Variants in CLSTN3 observed in about 807,000 individuals in gnomAD.
CLSTN3 encodes calsyntenin 3.
In CLSTN3, 36 loss-of-function variants were observed where a neutral mutation model predicts 95.9. The observed-to-expected ratio is 0.38, with a 90% CI of 0.29 to 0.50. The LOEUF (loss-of-function observed/expected upper bound fraction) is 0.50. CLSTN3 is among the 20% of genes least tolerant of loss of function. The probability of loss-of-function intolerance (pLI) is 0.95; values close to 1 mark genes in which losing one functional copy is unlikely to be tolerated. For synonymous variants in CLSTN3, 481 were observed against 504.0 expected (o/e 0.95, Z 0.61); for missense variants, 1,084 against 1,268.8 (o/e 0.85, Z 2.21).
At chr12:7,140,312 A>G (rs1334076543) in intron 8 of CLSTN3, among the ~76,000 whole-genome samples, 1 of 152,148 alleles carries the variant, frequency 6.6e-6, no homozygotes, top group Non-Finnish European at 1.5e-5. Context: ...GTTAAATGTG[A>G]GATACTTGTG....
chr12:7,131,855 A>G (rs1441803199), intron 1 of CLSTN3: 2 of 456,322 alleles, frequency 4.4e-6, no homozygotes, highest in East Asian at 6.9e-5. Context: ...AAGCCTTCCC[A>G]TGCCAAAGGC....
At position 7,149,163 on chromosome 12, in the gene CLSTN3, T is replaced by C. The variant is rs886595788; in HGVS notation, c.2039T>C (p.Val680Ala). The C allele has an allele frequency of 2.5e-6, 4 of 1,614,084 alleles. No homozygotes were observed. The highest frequency in any genetic ancestry group is 3.4e-6 in the Non-Finnish European group (4 of 1,180,030). ...LQITCSISHQ[V>A]EAKKDESWQG... ...ATCACCTGCTCCATTTCTCACCAGGTGGAGGCCAAAAAGGATGAGAGTTGG... is the reference window on the plus strand; with the variant it reads ...ATCACCTGCTCCATTTCTCACCAGGCGGAGGCCAAAAAGGATGAGAGTTGG... The change falls in exon 13 of 18, where the codon GTG (valine) becomes GCG (alanine). Residue 680 changes from valine (V) to alanine (A), a missense_variant. Physicochemically the swap from Val to Ala is moderately conservative, Grantham distance 64. Coordinates refer to ENST00000266546, the MANE Select transcript of CLSTN3 (RefSeq NM_014718.4). The surrounding 1 kb of genome is among the most constrained non-coding windows in gnomAD (Gnocchi z 4.5).
At chr12:7,156,271 C>T (rs1315346679) in intron 16 of CLSTN3, 1 of 456,960 alleles carries the variant, frequency 2.2e-6, no homozygotes, top group East Asian at 6.9e-5. Flanking sequence ...TGTGGGGTCT[C>T]TGCCTCCACC....
chr12:7,154,463 A>G (rs1939782924), intron 16 of CLSTN3, among the ~76,000 whole-genome samples: 1 of 152,188 alleles, frequency 6.6e-6, no homozygotes, highest in Admixed American at 6.5e-5. Flanking sequence ...GATGGGTGTG[A>G]GAGAGAATGG....
In CLSTN3 at chr12:7,133,524, G is replaced by A; in HGVS notation, c.188-49G>A. The A allele has an allele frequency of 1.3e-6, 2 of 1,581,882 alleles. No homozygotes were observed. Among genetic ancestry groups the A allele is most frequent in the Non-Finnish European group, 1.7e-6 (2 of 1,153,082 alleles). ...GACCCCAGGTGGGGAGACTGAGGGT[G>A]GGGAAGGAGACACAGCAGCCTCACT... On this transcript the variant is annotated intron_variant, in intron 2 of 17. Coordinates refer to ENST00000266546, the MANE Select transcript of CLSTN3 (RefSeq NM_014718.4). The surrounding 1 kb of genome is among the most constrained non-coding windows in gnomAD (Gnocchi z 4.7).
rs144317360 is a variant in CLSTN3 at position 7,136,990 on chromosome 12, T to C, written c.1090T>C (p.Ser364Pro). 261 of 1,614,070 alleles carry C rather than the reference T, an allele frequency of 1.6e-4. No homozygotes were observed. The highest frequency in any genetic ancestry group is 8.2e-4 in the Middle Eastern group (5 of 6,084). ...CCTGGGTGGCCCCAGTGGGCTGGGCTCTGGGCCCCAGGACAGCCTCAGTGA... is the reference window on the plus strand; with the variant it reads ...CCTGGGTGGCCCCAGTGGGCTGGGCCCTGGGCCCCAGGACAGCCTCAGTGA... ...VPLGGPSGLG[S>P]GPQDSLSDHF... Residue 364 changes from serine (S) to proline (P), a missense_variant, in exon 7 of 18, where the codon TCT becomes CCT. Physicochemically the swap from Ser to Pro is moderately conservative, Grantham distance 74. Coordinates refer to ENST00000266546, the MANE Select transcript of CLSTN3 (RefSeq NM_014718.4).
Position 7,157,926 on chromosome 12 carries a change from G to C in CLSTN3, c.2731-15G>C. On this transcript the variant is annotated splice_polypyrimidine_tract_variant and intron_variant, in intron 17 of 17. Transcript: ENST00000266546. The surrounding 1 kb of genome is among the most constrained non-coding windows in gnomAD (Gnocchi z 5.9). ...AGGCCATTGATCCCTTCTCCTCTCT[G>C]TTCCTGCCCTCCAGTCCTACCAGAA... 6.5e-7 allele frequency: 1 copy of C among 1,550,092 alleles called. No homozygotes were observed. Among genetic ancestry groups the C allele is most frequent in the Middle Eastern group, 1.7e-4 (1 of 5,854 alleles).
chr12:7,144,846 T>C lies in CLSTN3; in HGVS notation c.1847+1535T>C, dbSNP rs767517805. 4.3e-4 allele frequency among the ~76,000 whole-genome samples: 65 copies of C among 152,300 alleles called. No homozygotes were observed. In the Middle Eastern group the frequency reaches 0.02, roughly 48 times the overall value. Reference sequence around the variant, plus strand: ...TAGAGCTGTGGAAGGCCCCGGGCTGTGGCTTTTGGGAATTTGCTGGTTCAG... The same window carrying C: ...TAGAGCTGTGGAAGGCCCCGGGCTGCGGCTTTTGGGAATTTGCTGGTTCAG... On this transcript the variant is annotated intron_variant, in intron 12 of 17. Transcript: ENST00000266546.
intron 1 of CLSTN3, chr12:7,131,278 G>A (rs1939295607): frequency 4.8e-6 from 1 of 210,376 alleles, no homozygotes; most frequent in Non-Finnish European, 9.8e-6. Context: ...GCAGACAGCG[G>A]ATACATTCAG....
intron 4 of CLSTN3, 134 bp downstream of exon 4, chr12:7,135,669 C>G: frequency 7.4e-7 from 1 of 1,348,210 alleles, no homozygotes; most frequent in Non-Finnish European, 1.0e-6. Context: ...ATGGAGCCTT[C>G]TCCTCCCAGA....
intron 3 of CLSTN3, among the ~76,000 whole-genome samples, chr12:7,134,359 G>A (rs1939365178): frequency 6.6e-6 from 1 of 152,208 alleles, no homozygotes; most frequent in Non-Finnish European, 1.5e-5. Context: ...GGACACCTAC[G>A]CTTGTTGCCA....
upstream of CLSTN3, chr12:7,130,313 T>A (rs7300098): frequency 6.7e-4 from 134 of 198,640 alleles, no homozygotes; most frequent in East Asian, 1.8e-3. Flanking sequence ...TCCCCCCCCC[T>A]CCCAGTCACC....
In CLSTN3 at chr12:7,149,535, G is replaced by A; in HGVS notation, c.2087G>A (p.Arg696His). 2 of 1,612,972 alleles carry A rather than the reference G, an allele frequency of 1.2e-6. No homozygotes were observed. Among genetic ancestry groups the A allele is most frequent in the South Asian group, 1.1e-5 (1 of 90,876 alleles). Residue 696 changes from arginine (R) to histidine (H), a missense_variant, in exon 14 of 18, where the codon CGC becomes CAC. Physicochemically the swap from Arg to His is conservative, Grantham distance 29 (BLOSUM62 0). Coordinates refer to ENST00000266546, the MANE Select transcript of CLSTN3 (RefSeq NM_014718.4). The surrounding 1 kb of genome is among the most constrained non-coding windows in gnomAD (Gnocchi z 4.5). ...ESWQGTVTDT[R>H]MSDEIVHNLD... ...ATCCCCAACCCAGTGACAGACACAC[G>A]CATGTCGGATGAGATTGTGCACAAC... is the stretch of plus-strand genomic sequence containing the variant.
intron 16 of CLSTN3, chr12:7,156,539 C>T (rs1248240167): frequency 4.4e-6 from 2 of 456,826 alleles, no homozygotes; most frequent in Non-Finnish European, 8.8e-6. Context: ...TTTACTCCCG[C>T]AGTGTGAGCA....
chr12:7,157,296 C>A lies in CLSTN3; in HGVS notation c.2528-193C>A, dbSNP rs954727846. Among the ~76,000 whole-genome samples, 3 of 152,196 alleles carry A rather than the reference C, an allele frequency of 2.0e-5. No individual in the cohort carries two copies. The highest frequency in any genetic ancestry group is 7.2e-5 in the African/African-American group (3 of 41,444). ...GCCTTGCAGCAGCTCCCTTCCTCCC[C>A]TTTCGTCTCCTGCCCTTCCTGGTGG... On this transcript the variant is annotated intron_variant, in intron 16 of 17. Coordinates refer to ENST00000266546, the MANE Select transcript of CLSTN3 (RefSeq NM_014718.4). This position sits in a 1 kb window ranked among gnomAD's most constrained non-coding sequence, Gnocchi z 5.9.
At chr12:7,144,839 C>T (rs748924146) in intron 12 of CLSTN3, among the ~76,000 whole-genome samples, 4 of 152,134 alleles carry the variant, frequency 2.6e-5, no homozygotes, top group Non-Finnish European at 4.4e-5. Flanking sequence ...TGGAAGGCCC[C>T]GGGCTGTGGC....
In CLSTN3 at chr12:7,157,443, A is replaced by G; in HGVS notation, c.2528-46A>G. ...CCCAGCCCCCTGTCCAAGTGCCCCC[A>G]GGTGTGCCTAGTCACGCTCTGCTCA... On this transcript the variant is annotated intron_variant, in intron 16 of 17. Transcript: ENST00000266546. This position sits in a 1 kb window ranked among gnomAD's most constrained non-coding sequence, Gnocchi z 5.9. The G allele has an allele frequency of 6.7e-7, 1 of 1,492,358 alleles. No homozygotes were observed. The highest frequency in any genetic ancestry group is 1.4e-5 in the South Asian group (1 of 73,938). 92.4% of individuals were successfully genotyped at this position (1,492,358 alleles called of 1,614,324 possible). A position where few individuals can be genotyped will look rare whatever the true frequency, so the allele number is the denominator to read the frequency against.
At chr12:7,131,937 G>T (rs370233027) in intron 1 of CLSTN3, 1 of 455,918 alleles carries the variant, frequency 2.2e-6, no homozygotes, top group South Asian at 1.5e-5. Context: ...TGGGGATGAG[G>T]TTCCTTTTGG....
In CLSTN3 at chr12:7,149,424, C is replaced by A; in HGVS notation, c.2075-99C>A. 2 of 1,171,264 alleles carry A rather than the reference C, an allele frequency of 1.7e-6. No homozygotes were observed. Among genetic ancestry groups the A allele is most frequent in the South Asian group, 2.9e-5 (2 of 68,840 alleles). 72.6% of individuals were successfully genotyped at this position (1,171,264 alleles called of 1,614,324 possible). On this transcript the variant is annotated intron_variant, in intron 13 of 17. Transcript: ENST00000266546. This position sits in a 1 kb window ranked among gnomAD's most constrained non-coding sequence, Gnocchi z 4.5. ...TGATGCTGACTTCCCTCTCCCTGGC[C>A]CTGGAAAGGGAGGGAGAGTGGTGAT...
Sources: allele counts gnomAD v4.1 joint callset (sites outside exome capture counted in the v4.1 genomes callset), GRCh38; gene constraint gnomAD v4.1.1; non-coding constraint Gnocchi (gnomAD v3.1); transcripts MANE v1.5; gene names NCBI Gene and HGNC (gene_info 2026-07-23, HGNC 2026-07-21).